TXNRD2: variants seen among roughly 807,000 people sequenced by gnomAD.
TXNRD2 encodes the protein thioredoxin reductase 2.
TXNRD2 carries 67 observed loss-of-function variants against 70.8 expected under a neutral mutation model. The observed-to-expected ratio is 0.95, with a 90% CI of 0.78 to 1.16. The LOEUF (loss-of-function observed/expected upper bound fraction) is 1.16. Among genes scored for constraint, TXNRD2 ranks in the 50% most tolerant of loss-of-function variants. TXNRD2 has a pLI of 0.00. For synonymous variants in TXNRD2, 301 were observed against 295.8 expected (o/e 1.02, Z -0.18); for missense variants, 644 against 719.9 (o/e 0.89, Z 1.21).
At position 19,878,087 on chromosome 22, in the gene TXNRD2, T is replaced by TA; in HGVS notation, c.1445+2dup. ...ATCGCAGCCTGCATTCCTCGGGACT[T>TA]ACTTGATCCCCAGAGCAAATCCTTG... On this transcript the variant is annotated splice_region_variant and intron_variant, in intron 16 of 17. Transcript: ENST00000400521. 6.2e-7 allele frequency: 1 copy of TA among 1,613,076 alleles called. No homozygotes were observed. Among genetic ancestry groups the TA allele is most frequent in the Non-Finnish European group, 8.5e-7 (1 of 1,179,668 alleles).
chr22:19,939,381 C>G (rs1941628024), intron 1 of TXNRD2, among the ~76,000 whole-genome samples: 1 of 152,200 alleles, frequency 6.6e-6, no homozygotes, highest in Non-Finnish European at 1.5e-5. Flanking sequence ...TCCCTCTGTT[C>G]TTCTCTTCCT....
intron 2 of TXNRD2, among the ~76,000 whole-genome samples, chr22:19,927,422 G>A (rs1305015482): frequency 2.0e-5 from 3 of 152,004 alleles, no homozygotes; most frequent in Admixed American, 1.3e-4. Context: ...GGGAGGCTGA[G>A]GCAGACGGAT....
rs141833341 is a variant in TXNRD2, at chr22:19,916,411, T to C, written c.450-568A>G. The C allele has an allele frequency of 4.8e-3, 745 of 155,868 alleles. 6 individuals carry two copies. Among genetic ancestry groups the C allele is most frequent in the African/African-American group, 0.018 (717 of 40,496 alleles). The allele number at this position is 155,868 out of a possible 1,614,324, so 9.7% of individuals were successfully genotyped here. ...GTGGCACGATCTTGGCTCACTGCAA[T>C]CTCCACCTCCCAGGTTCAAGCCATT... On this transcript the variant is annotated intron_variant, in intron 5 of 17. Transcript: ENST00000400521.
At chr22:19,921,091 A>G (rs1940893314) in intron 2 of TXNRD2, among the ~76,000 whole-genome samples, 1 of 143,634 alleles carries the variant, frequency 7.0e-6, no homozygotes, top group South Asian at 2.3e-4. Context: ...TGGGTGACAG[A>G]GCGAGACTCT....
chr22:19,935,270 T>C (rs569653081), intron 1 of TXNRD2, among the ~76,000 whole-genome samples: 12 of 152,170 alleles, frequency 7.9e-5, no homozygotes, highest in Non-Finnish European at 1.3e-4. Flanking sequence ...GTGTCTGTCT[T>C]ATGCGGTTGA....
chr22:19,880,124 G>A, intron 14 of TXNRD2, 55 bp downstream of exon 14: 2 of 1,573,190 alleles, frequency 1.3e-6, no homozygotes, highest in Non-Finnish European at 1.7e-6. Context: ...CCCAGAGCAT[G>A]GGGTGAGGTC....
At chr22:19,895,278 G>C in intron 11 of TXNRD2, 129 bp downstream of exon 11, 1 of 1,593,738 alleles carries the variant, frequency 6.3e-7, no homozygotes, top group Non-Finnish European at 8.5e-7. Flanking sequence ...AGGTGCACTG[G>C]GGAGCGGCCA....
intron 11 of TXNRD2, among the ~76,000 whole-genome samples, chr22:19,885,102 C>G (rs752430592): frequency 6.6e-6 from 1 of 152,170 alleles, no homozygotes; most frequent in Non-Finnish European, 1.5e-5. Flanking sequence ...GAGAGGGCAC[C>G]GCATGGGCCT....
At chr22:19,885,226 T>TC (rs1231200619) in intron 11 of TXNRD2, among the ~76,000 whole-genome samples, 8 of 152,168 alleles carry the variant, frequency 5.3e-5, no homozygotes, top group Admixed American at 2.6e-4. Flanking sequence ...CCAGGTGCTC[T>TC]CGGCTCCCAG....
At chr22:19,918,286 T>C in intron 4 of TXNRD2, 69 bp from the exon 5 acceptor site, 1 of 1,291,722 alleles carries the variant, frequency 7.7e-7, no homozygotes, top group Non-Finnish European at 1.1e-6. Context: ...CACGATGGAC[T>C]ATTAGATTCA....
chr22:19,878,087 T>C lies in TXNRD2; in HGVS notation c.1445+3A>G, dbSNP rs1169606058. ...ATCGCAGCCTGCATTCCTCGGGACT[T>C]ACTTGATCCCCAGAGCAAATCCTTG... is the stretch of plus-strand genomic sequence containing the variant. On this transcript the variant is annotated splice_donor_region_variant and intron_variant, in intron 16 of 17. Transcript: ENST00000400521. The C allele has an allele frequency of 3.1e-6, 5 of 1,613,076 alleles. No individual in the cohort carries two copies. In the South Asian group the frequency reaches 4.4e-5, roughly 14 times the overall value.
chr22:19,932,645 G>C (rs1941410602), intron 1 of TXNRD2: 6 of 1,299,916 alleles, frequency 4.6e-6, no homozygotes, highest in Non-Finnish European at 6.0e-6. Context: ...GGCAGGGTGG[G>C]GACTGATGAC....
At chr22:19,923,762 A>G (rs1316231601) in intron 2 of TXNRD2, among the ~76,000 whole-genome samples, 21 of 151,216 alleles carry the variant, frequency 1.4e-4, no homozygotes, top group Admixed American at 1.3e-3. Context: ...AGATGGCACC[A>G]CTGCACTCAA....
Position 19,918,991 on chromosome 22 carries a change from GC to G in TXNRD2, c.242del (p.Gly81AlafsTer16). On this transcript the variant is annotated frameshift_variant, in exon 4 of 18. Coordinates refer to ENST00000400521, the MANE Select transcript of TXNRD2 (RefSeq NM_006440.5). LOFTEE classifies it high-confidence loss of function. ...VEPSPQGTRW[G>X]LGGTCVNVGC... ...CCACGTTGACGCAGGTGCCGCCGAG[GC>G]CCCACCGGGTGCCTGGGACGTGGGA... is the stretch of plus-strand genomic sequence containing the variant. The G allele has an allele frequency of 6.2e-7, 1 of 1,610,252 alleles. No homozygotes were observed.
intron 8 of TXNRD2, among the ~76,000 whole-genome samples, chr22:19,899,910 G>A (rs970887691): frequency 7.9e-5 from 12 of 152,152 alleles, no homozygotes; most frequent in Admixed American, 2.6e-4. Flanking sequence ...AACTCCCAGC[G>A]GGGCAGCTGC....
chr22:19,883,495 C>T (rs201897683), intron 11 of TXNRD2, 34 bp from the exon 12 acceptor site: 5 of 1,613,618 alleles, frequency 3.1e-6, no homozygotes, highest in Non-Finnish European at 4.2e-6. Context: ...GAAAGGTTAT[C>T]TTCAGTGGCT....
At chr22:19,920,173 A>C (rs1353569421) in intron 2 of TXNRD2, among the ~76,000 whole-genome samples, 4 of 152,210 alleles carry the variant, frequency 2.6e-5, no homozygotes, top group Non-Finnish European at 5.9e-5. Context: ...GCCCCAGAGC[A>C]GGAGCCGAGA....
At chr22:19,904,850 C>T (rs921812137) in intron 8 of TXNRD2, among the ~76,000 whole-genome samples, 4 of 152,192 alleles carry the variant, frequency 2.6e-5, no homozygotes, top group African/African-American at 9.7e-5. Flanking sequence ...ATGTCCCACC[C>T]GACTACGGGA....
Position 19,938,049 on chromosome 22 carries a change from G to A in TXNRD2, c.103+3652C>T, listed in dbSNP as rs577548205. On this transcript the variant is annotated intron_variant, in intron 1 of 17. Coordinates refer to ENST00000400521, the MANE Select transcript of TXNRD2 (RefSeq NM_006440.5). ...ACAATGCTTGTCTACCTCCACAGTAGGCAGCAGGGCGGTCGATCTCTGTAG... is the reference window on the plus strand; with the variant it reads ...ACAATGCTTGTCTACCTCCACAGTAAGCAGCAGGGCGGTCGATCTCTGTAG... 2.6e-5 allele frequency: 4 copies of A among 152,324 alleles called. No homozygotes were observed. The East Asian group carries it at 5.8e-4, about 22-fold the overall frequency. The allele number at this position is 152,324 out of a possible 1,614,324, so 9.4% of individuals were successfully genotyped here.
Sources: gnomAD v4.1 joint callset for allele counts (sites outside exome capture counted in the v4.1 genomes callset) on GRCh38, gnomAD v4.1.1 for gene constraint, MANE v1.5 for transcripts, NCBI Gene and HGNC (gene_info 2026-07-23, HGNC 2026-07-21) for gene names.